Variants in BLVRA observed in about 807,000 individuals in gnomAD.
BLVRA encodes BVR A.
A neutral mutation model predicts 32.8 loss-of-function variants in BLVRA; 22 were observed. The observed-to-expected ratio is 0.67, with a 90% CI of 0.48 to 0.96. BLVRA has a LOEUF of 0.96. Ranked by LOEUF, BLVRA falls within the 40% of genes least tolerant of loss-of-function variation. The pLI is 0.00. For missense variants in BLVRA, 323 were observed against 358.1 expected (o/e 0.90, Z 0.79); for synonymous variants, 119 against 141.3 (o/e 0.84, Z 1.12).
chr7:43,795,286 CG>C (rs1228067475), intron 5 of BLVRA, among the ~76,000 whole-genome samples: 10 of 151,822 alleles, frequency 6.6e-5, no homozygotes, highest in Non-Finnish European at 1.3e-4. Flanking sequence ...GAGGCTGAGG[CG>C]GGCGAATCAC....
chr7:43,807,211 G>A lies in BLVRA; in HGVS notation c.867G>A (p.Gln289=). 7 of 1,608,454 alleles carry A rather than the reference G, an allele frequency of 4.4e-6. No individual in the cohort carries two copies. Among genetic ancestry groups the A allele is most frequent in the Non-Finnish European group, 5.9e-6 (7 of 1,179,998 alleles). The change falls in exon 8 of 8, where the codon CAG becomes CAA. Residue 289 remains glutamine (Q), a synonymous_variant. Coordinates refer to ENST00000265523, the MANE Select transcript of BLVRA (RefSeq NM_000712.4). ...LHCLGLAEEI[Q]KYCCSRK ...GCCTGGGGCTTGCAGAAGAAATCCA[G>A]AAATATTGCTGTTCAAGGAAGTAAG...
At chr7:43,766,290 G>GAA (rs56186712) in intron 1 of BLVRA, among the ~76,000 whole-genome samples, 11,569 of 93,634 alleles carry the variant, frequency 0.12, 682 homozygotes, top group Admixed American at 0.21. Flanking sequence ...CTGTCTCAGG[G>GAA]AAAAAAAAAA....
At chr7:43,770,103 G>A (rs1208568803) in intron 1 of BLVRA, among the ~76,000 whole-genome samples, 1 of 152,126 alleles carries the variant, frequency 6.6e-6, no homozygotes, top group Non-Finnish European at 1.5e-5. Context: ...CAAGGGCAGG[G>A]GTTGCCACAG....
chr7:43,790,251 G>A (rs111644416), intron 3 of BLVRA, among the ~76,000 whole-genome samples: 122 of 152,170 alleles, frequency 8.0e-4, no homozygotes, highest in African/African-American at 2.8e-3. Flanking sequence ...TTGGCTCTTC[G>A]AAGACTGCAG....
chr7:43,767,120 G>A (rs548287321), intron 1 of BLVRA, among the ~76,000 whole-genome samples: 20 of 152,152 alleles, frequency 1.3e-4, no homozygotes, highest in African/African-American at 3.4e-4. Context: ...ACATCCTTTC[G>A]TTTGTTTGTT....
At chr7:43,776,209 T>C (rs1234355923) in intron 2 of BLVRA, among the ~76,000 whole-genome samples, 1 of 152,086 alleles carries the variant, frequency 6.6e-6, no homozygotes, top group African/African-American at 2.4e-5. Flanking sequence ...GCTCTTGCTT[T>C]TCTAGTTCTT....
intron 6 of BLVRA, 61 bp from the exon 7 acceptor site, chr7:43,803,615 T>A: frequency 1.2e-6 from 1 of 830,064 alleles, no homozygotes; most frequent in Non-Finnish European, 1.9e-6. Flanking sequence ...CACCCCCCTG[T>A]CCTGCTTTCC....
rs537715251 is a variant in BLVRA, at chr7:43,791,592, AATTTGAAAC to A, written c.254+228_254+236del. ...AGTAAAATTAATATTTAGTATGTGT[AATTTGAAAC>A]ATTAGAAACATTCAGAATTAAAGTG... On this transcript the variant is annotated intron_variant, in intron 4 of 7. Coordinates refer to ENST00000265523, the MANE Select transcript of BLVRA (RefSeq NM_000712.4). The A allele has an allele frequency of 2.9e-3, 1,551 of 535,414 alleles. 12 individuals are homozygous for A. The highest frequency in any genetic ancestry group is 3.5e-3 in the Non-Finnish European group (1,053 of 298,970). 33.2% of individuals were successfully genotyped at this position (535,414 alleles called of 1,614,324 possible).
intron 1 of BLVRA, among the ~76,000 whole-genome samples, chr7:43,761,020 T>C (rs2095741646): frequency 6.6e-6 from 1 of 152,180 alleles, no homozygotes; most frequent in Admixed American, 6.5e-5. Context: ...CCACCCACCA[T>C]GGCCTCCCCA....
At position 43,807,066 on chromosome 7, in the gene BLVRA, T is replaced by C. The variant is rs2095804741; in HGVS notation, c.722T>C (p.Val241Ala). 3.1e-6 allele frequency: 5 copies of C among 1,614,234 alleles called. No individual in the cohort carries two copies. The highest frequency in any genetic ancestry group is 4.2e-6 in the Non-Finnish European group (5 of 1,180,042). ...FHFKSGSLEN[V>A]PNVGVNKNIF... ...TTCAAGTCTGGGTCCTTGGAGAATG[T>C]GCCAAATGTAGGAGTGAATAAGAAC... The change falls in exon 8 of 8, where the codon GTG becomes GCG. Residue 241 changes from valine to alanine, a missense_variant. Transcript: ENST00000265523.
chr7:43,785,114 T>C (rs2095775552), intron 2 of BLVRA, among the ~76,000 whole-genome samples: 1 of 152,194 alleles, frequency 6.6e-6, no homozygotes, highest in African/African-American at 2.4e-5. Flanking sequence ...TTGTGCCTTT[T>C]TTTTAAGCTG....
At position 43,807,158 on chromosome 7, in the gene BLVRA, G is replaced by A. The variant is rs556754637; in HGVS notation, c.814G>A (p.Ala272Thr). ...GGGCCAGTTCTCTGAGAAGGAACTG[G>A]CTGCTGAAAAGAAACGCATCCTGCA... is the stretch of plus-strand genomic sequence containing the variant. ...LLGQFSEKELAAEKKRILHCL... is the reference protein window; with the variant it reads ...LLGQFSEKELTAEKKRILHCL... The change falls in exon 8 of 8, where the codon GCT becomes ACT. Residue 272 changes from alanine (A) to threonine (T), a missense_variant. Physicochemically the swap from Ala to Thr is moderately conservative, Grantham distance 58. Transcript: ENST00000265523. 1.4e-3 allele frequency: 2,179 copies of A among 1,613,850 alleles called. 39 individuals carry two copies. In the South Asian group the frequency reaches 0.023, roughly 17 times the overall value.
rs146815437 is a variant in BLVRA at position 43,789,781 on chromosome 7, A to C, written c.135-1468A>C. ...TGCTAAGTTCTACCTCCTCCCCAGG[A>C]AGCTTTTCTGGTGTATTCCTTTCCC... is the stretch of plus-strand genomic sequence containing the variant. On this transcript the variant is annotated intron_variant, in intron 3 of 7. Transcript: ENST00000265523. 2.0e-3 allele frequency among the ~76,000 whole-genome samples: 308 copies of C among 152,016 alleles called. 1 individual carries two copies. Among genetic ancestry groups the C allele is most frequent in the Non-Finnish European group, 3.0e-3 (203 of 67,962 alleles).
At chr7:43,795,126 G>A (rs902202340) in intron 5 of BLVRA, among the ~76,000 whole-genome samples, 14 of 152,268 alleles carry the variant, frequency 9.2e-5, no homozygotes, top group East Asian at 1.9e-4. Flanking sequence ...CACGAGAATC[G>A]CTTGAACCCA....
chr7:43,804,818 T>C (rs1022359570), intron 7 of BLVRA, among the ~76,000 whole-genome samples: 4 of 152,214 alleles, frequency 2.6e-5, no homozygotes, highest in Middle Eastern at 3.2e-3. Context: ...AGAGTGTTTC[T>C]GGATGCCTTT....
At chr7:43,805,282 CT>C (rs368451107) in intron 7 of BLVRA, among the ~76,000 whole-genome samples, 71,107 of 138,670 alleles carry the variant, frequency 0.51, 17,676 homozygotes, top group South Asian at 0.6. Context: ...CTCTCTCTCT[CT>C]TTTTTTTTTT....
At position 43,800,514 on chromosome 7, in the gene BLVRA, T is replaced by C; in HGVS notation, c.402T>C (p.Ala134=). The C allele has an allele frequency of 6.2e-7, 1 of 1,614,084 alleles. No individual in the cohort carries two copies. The highest frequency in any genetic ancestry group is 8.5e-7 in the Non-Finnish European group (1 of 1,179,940). ...TTGAACTCTTGATGGAGGAATTCGC[T>C]TTCCTGAAAAAAGAAGTGGTGGGGA... ...EHVELLMEEF[A]FLKKEVVGKD... The change falls in exon 6 of 8, where the codon GCT becomes GCC. Residue 134 remains alanine (A), a synonymous_variant. Transcript: ENST00000265523.
rs2095804767 is a variant in BLVRA at position 43,807,085 on chromosome 7, T to G, written c.741T>G (p.Asn247Lys). Reference sequence around the variant, plus strand: ...AGAATGTGCCAAATGTAGGAGTGAATAAGAACATATTTCTGAAAGATCAAA... The same window carrying G: ...AGAATGTGCCAAATGTAGGAGTGAAGAAGAACATATTTCTGAAAGATCAAA... ...SLENVPNVGV[N>K]KNIFLKDQNI... The change falls in exon 8 of 8, where the codon AAT becomes AAG. Residue 247 changes from asparagine (N) to lysine (K), a missense_variant. By Grantham distance (94) the Asn-to-Lys change is moderately conservative. Transcript: ENST00000265523. 6.2e-7 allele frequency: 1 copy of G among 1,614,064 alleles called. No individual in the cohort carries two copies. Among genetic ancestry groups the G allele is most frequent in the Non-Finnish European group, 8.5e-7 (1 of 1,180,036 alleles).
intron 2 of BLVRA, among the ~76,000 whole-genome samples, chr7:43,771,438 G>T (rs1279019254): frequency 1.3e-5 from 2 of 152,220 alleles, no homozygotes; most frequent in African/African-American, 2.4e-5. Context: ...TAGTAGTGGG[G>T]CATGGAGGTT....
Sources: gnomAD v4.1 joint callset for allele counts (sites outside exome capture counted in the v4.1 genomes callset) on GRCh38, gnomAD v4.1.1 for gene constraint, MANE v1.5 for transcripts, NCBI Gene and HGNC (gene_info 2026-07-23, HGNC 2026-07-21) for gene names.